CLSTN2: variants seen among roughly 807,000 people sequenced by gnomAD.
The protein encoded by CLSTN2 is calsyntenin-2.
Under a neutral mutation model 101.2 loss-of-function variants are expected in CLSTN2, and 48 were observed. That is an observed-to-expected ratio of 0.47 (90% CI 0.38 to 0.60). CLSTN2 has a LOEUF of 0.60. Ranked by LOEUF, CLSTN2 falls within the 20% of genes least tolerant of loss-of-function variation. The pLI, the probability that CLSTN2 is intolerant of heterozygous loss-of-function variation, is 0.00. For missense variants in CLSTN2, 1,160 were observed against 1,238.2 expected, an observed-to-expected ratio of 0.94 and a Z score of 0.95; for synonymous variants, 481 against 463.6, an observed-to-expected ratio of 1.04 and a Z score of -0.48.
At chr3:140,494,251 A>G (rs914233313) in intron 8 of CLSTN2, among the ~76,000 whole-genome samples, 6 of 152,156 alleles carry the variant, frequency 3.9e-5, no homozygotes, top group African/African-American at 1.4e-4. Flanking sequence ...ATTCCCTCTT[A>G]GTCTGCATTC....
intron 2 of CLSTN2, among the ~76,000 whole-genome samples, chr3:140,270,957 A>T (rs2086737002): frequency 6.6e-6 from 1 of 152,122 alleles, no homozygotes; most frequent in African/African-American, 2.4e-5. Context: ...TAGCATGGAG[A>T]CAATTTAGCA....
chr3:140,186,410 T>C (rs1441007862), intron 2 of CLSTN2, among the ~76,000 whole-genome samples: 2 of 152,234 alleles, frequency 1.3e-5, no homozygotes, highest in Admixed American at 1.3e-4. Context: ...ATTTGGGGCC[T>C]CTGAAAGTCC....
intron 8 of CLSTN2, among the ~76,000 whole-genome samples, chr3:140,468,282 G>C (rs576875490): frequency 6.6e-6 from 1 of 152,106 alleles, no homozygotes. Context: ...ATATTGTGAG[G>C]GTTTTTAAAA....
At chr3:140,171,294 T>C (rs1275169647) in intron 1 of CLSTN2, among the ~76,000 whole-genome samples, 3 of 152,086 alleles carry the variant, frequency 2.0e-5, no homozygotes, top group Non-Finnish European at 2.9e-5. Context: ...CTCTCTGCCC[T>C]GGGCATGGTC....
chr3:140,101,471 C>T (rs2008965260), intron 1 of CLSTN2, among the ~76,000 whole-genome samples: 2 of 152,234 alleles, frequency 1.3e-5, no homozygotes, highest in Admixed American at 1.3e-4. Flanking sequence ...TTGGGCAACT[C>T]TTATATGCCT....
chr3:139,998,336 C>CTTTTTTTTTTTTTTTTGT (rs2006730368), intron 1 of CLSTN2, among the ~76,000 whole-genome samples: 1 of 66,814 alleles, frequency 1.5e-5, no homozygotes, highest in African/African-American at 7.2e-5. Flanking sequence ...CCCCACATGC[C>CTTTTTTTTTTTTTTTTGT]TTTTTTTTTT....
At chr3:140,211,396 A>G (rs1231910090) in intron 2 of CLSTN2, among the ~76,000 whole-genome samples, 2 of 85,762 alleles carry the variant, frequency 2.3e-5, no homozygotes, top group Non-Finnish European at 4.6e-5. Context: ...ATGCTTGGTA[A>G]TTCACACACA....
chr3:140,422,253 G>A (rs1464910161), intron 5 of CLSTN2, among the ~76,000 whole-genome samples: 1 of 151,664 alleles, frequency 6.6e-6, no homozygotes, highest in Non-Finnish European at 1.5e-5. Context: ...CCCAGAAAGA[G>A]TTGGTGTTAA....
At chr3:140,521,015 A>G (rs891600572) in intron 8 of CLSTN2, among the ~76,000 whole-genome samples, 6 of 147,172 alleles carry the variant, frequency 4.1e-5, no homozygotes, top group East Asian at 2.0e-4. Context: ...ATCAGCTCCC[A>G]TATCGTTTTA....
intron 2 of CLSTN2, among the ~76,000 whole-genome samples, chr3:140,256,023 C>A (rs1322687807): frequency 2.0e-5 from 3 of 152,186 alleles, no homozygotes; most frequent in Non-Finnish European, 2.9e-5. Context: ...TAAGCCACGC[C>A]TCTGCCAATC....
At chr3:140,245,277 G>A (rs553227175) in intron 2 of CLSTN2, among the ~76,000 whole-genome samples, 1 of 152,276 alleles carries the variant, frequency 6.6e-6, no homozygotes, top group Admixed American at 6.5e-5. Flanking sequence ...AAGTTCCAGG[G>A]TGGAATAAAT....
chr3:140,504,688 G>A (rs1371820608), intron 8 of CLSTN2, among the ~76,000 whole-genome samples: 1 of 152,164 alleles, frequency 6.6e-6, no homozygotes, highest in African/African-American at 2.4e-5. Flanking sequence ...CCAAAGCTTG[G>A]AACCAGCACA....
intron 1 of CLSTN2, among the ~76,000 whole-genome samples, chr3:139,963,029 A>G (rs1423936967): frequency 6.6e-6 from 1 of 152,168 alleles, no homozygotes; most frequent in Non-Finnish European, 1.5e-5. Context: ...TATTATTACA[A>G]CACATTAAAT....
chr3:140,419,638 CAT>C (rs1553742037), intron 4 of CLSTN2, among the ~76,000 whole-genome samples: 1 of 53,404 alleles, frequency 1.9e-5, no homozygotes, highest in Non-Finnish European at 2.9e-5. Flanking sequence ...TGTATATATA[CAT>C]ATATATGTAC....
At chr3:140,266,081 T>A (rs1343271264) in intron 2 of CLSTN2, among the ~76,000 whole-genome samples, 1 of 152,120 alleles carries the variant, frequency 6.6e-6, no homozygotes, top group African/African-American at 2.4e-5. Context: ...TAGCTCAACA[T>A]CTGAAACAGA....
At chr3:140,305,346 C>T (rs1036351369) in intron 2 of CLSTN2, among the ~76,000 whole-genome samples, 1 of 152,066 alleles carries the variant, frequency 6.6e-6, no homozygotes, top group South Asian at 2.1e-4. Context: ...AATACAGGTC[C>T]CTTTAAACTC....
At chr3:139,976,698 C>G (rs909298462) in intron 1 of CLSTN2, among the ~76,000 whole-genome samples, 4 of 152,172 alleles carry the variant, frequency 2.6e-5, no homozygotes, top group African/African-American at 9.7e-5. Context: ...CATACAGTTG[C>G]TACTGTGGCC....
chr3:140,145,933 G>T (rs903773797), intron 1 of CLSTN2, among the ~76,000 whole-genome samples: 1 of 152,192 alleles, frequency 6.6e-6, no homozygotes, highest in African/African-American at 2.4e-5. Flanking sequence ...CTCTGTGATG[G>T]CCTGCCATTT....
At chr3:140,183,027 TA>T (rs764399924) in intron 2 of CLSTN2, among the ~76,000 whole-genome samples, 1 of 152,000 alleles carries the variant, frequency 6.6e-6, no homozygotes, top group African/African-American at 2.4e-5. Flanking sequence ...AAGAAGAGGG[TA>T]AAAGGTCCCA....
Sources: gnomAD v4.1 joint callset for allele counts (sites outside exome capture counted in the v4.1 genomes callset) on GRCh38, gnomAD v4.1.1 for gene constraint, MANE v1.5 for transcripts, NCBI Gene and HGNC (gene_info 2026-07-23, HGNC 2026-07-21) for gene names.